RANBP2: variants seen among roughly 807,000 people sequenced by gnomAD.
RANBP2 encodes E3 SUMO-protein ligase RanBP2.
Under a neutral mutation model 303.6 loss-of-function variants are expected in RANBP2, and 57 were observed. The ratio of observed to expected loss-of-function variants is 0.19; its 90% confidence interval spans 0.15 to 0.23. The LOEUF is 0.23. Among genes scored for constraint, RANBP2 ranks in the 10% least tolerant of loss-of-function variants. The pLI is 1.00. For missense variants in RANBP2, 3,138 were observed against 3,780.8 expected (o/e 0.83, Z 4.46); for synonymous variants, 1,167 against 1,301.5 (o/e 0.90, Z 2.23).
chr2:109,043,261 A>G, the RANBP2 span, among the ~76,000 whole-genome samples: 1 of 152,200 alleles, frequency 6.6e-6, no homozygotes, highest in Non-Finnish European at 1.5e-5. Context: ...TTTCTTCATT[A>G]CTTTACGAAA....
chr2:109,143,806 G>GGA, the RANBP2 span, among the ~76,000 whole-genome samples: 1 of 87,804 alleles, frequency 1.1e-5, no homozygotes, highest in Admixed American at 1.1e-4. Flanking sequence ...GTGCTGTGCT[G>GGA]TATACACACA....
At chr2:108,719,969 C>CT (rs1694095156) in intron 1 of RANBP2, 1 of 985,210 alleles carries the variant, frequency 1.0e-6, no homozygotes, top group African/African-American at 1.7e-5. Context: ...CCCGGGCTTT[C>CT]TGGCCGATCG....
the RANBP2 span, among the ~76,000 whole-genome samples, chr2:109,075,780 C>T: frequency 1.3e-5 from 2 of 150,262 alleles, no homozygotes; most frequent in African/African-American, 4.8e-5. Flanking sequence ...CAAGAAGCAA[C>T]AGAAAACCTT....
the RANBP2 span, among the ~76,000 whole-genome samples, chr2:109,208,468 T>A: frequency 6.6e-6 from 1 of 152,180 alleles, no homozygotes; most frequent in Non-Finnish European, 1.5e-5. Context: ...AGAAGCCCTG[T>A]GGAGAAGGGC....
chr2:109,258,151 CTT>C, the RANBP2 span, among the ~76,000 whole-genome samples: 2 of 152,198 alleles, frequency 1.3e-5, no homozygotes, highest in Non-Finnish European at 2.9e-5. Context: ...GCTGGTAAGA[CTT>C]TTACCCCATC....
At chr2:109,281,557 A>C in the RANBP2 span, among the ~76,000 whole-genome samples, 1 of 152,110 alleles carries the variant, frequency 6.6e-6, no homozygotes, top group African/African-American at 2.4e-5. Flanking sequence ...AGGGTGATTC[A>C]CTGTGGGAGA....
At chr2:108,868,843 G>A in the RANBP2 span, among the ~76,000 whole-genome samples, 1 of 151,990 alleles carries the variant, frequency 6.6e-6, no homozygotes, top group Non-Finnish European at 1.5e-5. Context: ...AAAGAATCTG[G>A]GTTTCTGATG....
the RANBP2 span, among the ~76,000 whole-genome samples, chr2:109,369,511 A>C: frequency 1.3e-5 from 2 of 152,114 alleles, no homozygotes; most frequent in East Asian, 3.9e-4. Context: ...CTATAATGTC[A>C]GTTGGAAAAA....
At chr2:109,714,482 A>ATTTT in the RANBP2 span, among the ~76,000 whole-genome samples, 1 of 151,702 alleles carries the variant, frequency 6.6e-6, no homozygotes, top group Non-Finnish European at 1.5e-5. Flanking sequence ...TTGTATTTTT[A>ATTTT]GTAGAGATGG....
chr2:109,266,189 G>GC, the RANBP2 span, among the ~76,000 whole-genome samples: 3 of 150,650 alleles, frequency 2.0e-5, no homozygotes, highest in African/African-American at 7.3e-5. Flanking sequence ...GTGCATGTGT[G>GC]TGTTGTGTGT....
chr2:109,372,090 C>G, the RANBP2 span, among the ~76,000 whole-genome samples: 49 of 152,332 alleles, frequency 3.2e-4, no homozygotes, highest in South Asian at 9.7e-3. Flanking sequence ...TCCCACTGCA[C>G]ACGGATTGGA....
Position 108,758,413 on chromosome 2 carries a change from A to G in RANBP2, c.2467A>G (p.Lys823Glu), listed in dbSNP as rs770490577. Reference sequence around the variant, plus strand: ...ATTTGATTTTTTTTTCTTCCAATAGAAAGAAATGCAGGAGTTGAAACTAAA... The same window carrying G: ...ATTTGATTTTTTTTTCTTCCAATAGGAAGAAATGCAGGAGTTGAAACTAAA... ...MICQQVEAIK[K>E]EMQELKLNSS... Residue 823 changes from lysine to glutamate, a missense_variant and splice_region_variant, in exon 18 of 29, where the codon AAA becomes GAA. Around this residue, in one of 20 missense-constraint regions of RANBP2, gnomAD observed 194 missense variants for 197.4 expected, o/e 0.98. Transcript: ENST00000283195. 15 of 1,611,708 alleles carry G rather than the reference A, an allele frequency of 9.3e-6. No individual in the cohort carries two copies. The highest frequency in any genetic ancestry group is 4.4e-5 in the South Asian group (4 of 90,972).
At chr2:109,196,315 C>T in the RANBP2 span, among the ~76,000 whole-genome samples, 1 of 152,206 alleles carries the variant, frequency 6.6e-6, no homozygotes, top group Non-Finnish European at 1.5e-5. Flanking sequence ...TGGTGTAGCT[C>T]CCCTGGCCCC....
chr2:109,710,754 C>T, the RANBP2 span, among the ~76,000 whole-genome samples: 1 of 152,128 alleles, frequency 6.6e-6, no homozygotes. Context: ...GCATGGGAAG[C>T]AGGGAGTGAG....
At chr2:109,150,602 G>A in the RANBP2 span, among the ~76,000 whole-genome samples, 2 of 152,260 alleles carry the variant, frequency 1.3e-5, no homozygotes, top group Admixed American at 6.5e-5. Flanking sequence ...GCCCAGAGAA[G>A]TTGAGTAGCT....
chr2:109,499,906 G>A, the RANBP2 span, among the ~76,000 whole-genome samples: 1 of 152,178 alleles, frequency 6.6e-6, no homozygotes, highest in Non-Finnish European at 1.5e-5. Flanking sequence ...AGGTTCAATT[G>A]GCACACAAGT....
chr2:109,617,592 G>A, the RANBP2 span: 1 of 167,010 alleles, frequency 6.0e-6, no homozygotes, highest in East Asian at 1.9e-4. Flanking sequence ...GCAGCCTACA[G>A]GATAAGGAAG....
the RANBP2 span, among the ~76,000 whole-genome samples, chr2:109,335,259 C>T: frequency 6.6e-6 from 1 of 152,242 alleles, no homozygotes; most frequent in South Asian, 2.1e-4. Context: ...TCGCCCGTCC[C>T]ACACGAGAAC....
At chr2:109,705,195 G>A in the RANBP2 span, among the ~76,000 whole-genome samples, 1 of 151,960 alleles carries the variant, frequency 6.6e-6, no homozygotes, top group South Asian at 2.1e-4. Context: ...CCCTGAGTTC[G>A]GGAGTTCTAG....
Sources: allele counts gnomAD v4.1 joint callset (sites outside exome capture counted in the v4.1 genomes callset), GRCh38; gene constraint gnomAD v4.1.1; regional missense constraint gnomAD v4.1.1; transcripts MANE v1.5; gene names NCBI Gene and HGNC (gene_info 2026-07-23, HGNC 2026-07-21).